Variants in UBE2K observed in about 807,000 individuals in gnomAD.
The protein encoded by UBE2K is ubiquitin-conjugating enzyme E2 K.
A neutral mutation model predicts 30.0 loss-of-function variants in UBE2K; 6 were observed. That is an observed-to-expected ratio of 0.20 (90% CI 0.11 to 0.39). The LOEUF (loss-of-function observed/expected upper bound fraction) is 0.39, where lower values mean the gene tolerates loss of function less well. UBE2K is among the 10% of genes least tolerant of loss of function. The pLI, the probability that UBE2K is intolerant of heterozygous loss-of-function variation, is 1.00. For synonymous variants in UBE2K, 86 were observed against 83.7 expected (o/e 1.03, Z -0.15); for missense variants, 61 against 241.6 (o/e 0.25, Z 4.96).
At chr4:39,772,175 T>C (rs1712929965) in intron 4 of UBE2K, among the ~76,000 whole-genome samples, 1 of 152,158 alleles carries the variant, frequency 6.6e-6, no homozygotes, top group Non-Finnish European at 1.5e-5. Context: ...GGAAGTACTA[T>C]TTATGTACCA....
At chr4:39,706,412 C>T (rs1718367797) in intron 1 of UBE2K, among the ~76,000 whole-genome samples, 1 of 151,494 alleles carries the variant, frequency 6.6e-6, no homozygotes, top group Non-Finnish European at 1.5e-5. Context: ...GATCTGCCTG[C>T]CTGGGCCTCC....
intron 5 of UBE2K, among the ~76,000 whole-genome samples, chr4:39,775,850 T>TA (rs1713254250): frequency 6.6e-6 from 1 of 152,142 alleles, no homozygotes; most frequent in South Asian, 2.1e-4. Context: ...ACTTCTAAGA[T>TA]ATTACCCTCT....
intron 4 of UBE2K, chr4:39,770,748 C>A: frequency 6.3e-7 from 1 of 1,583,356 alleles, no homozygotes; most frequent in Non-Finnish European, 8.6e-7. Flanking sequence ...AATGCCCAGG[C>A]CCCCTCCCAG....
chr4:39,774,683 T>TAA (rs1387333930), intron 4 of UBE2K, 151 bp from the exon 5 acceptor site: 1 of 410,902 alleles, frequency 2.4e-6, no homozygotes, highest in East Asian at 3.6e-5. Flanking sequence ...GGCAGATACA[T>TAA]AATTATAAAT....
chr4:39,761,140 C>G (rs1416971088), intron 4 of UBE2K: 1 of 152,122 alleles, frequency 6.6e-6, no homozygotes, highest in African/African-American at 2.4e-5. Context: ...GTATGGTGAC[C>G]TCTTAGGAAC....
chr4:39,764,908 CAA>C (rs56313201), intron 4 of UBE2K, among the ~76,000 whole-genome samples: 23,758 of 147,406 alleles, frequency 0.16, 3,495 homozygotes, highest in African/African-American at 0.4. Flanking sequence ...TTTTTCGAGA[CAA>C]GAGTCTCACT....
intron 4 of UBE2K, among the ~76,000 whole-genome samples, chr4:39,773,422 C>T (rs374173699): frequency 2.0e-5 from 3 of 151,908 alleles, no homozygotes; most frequent in Middle Eastern, 3.4e-3. Context: ...GAGCCGAGAT[C>T]GCGCCACTGC....
rs1262249892 is a variant in UBE2K at position 39,722,671 on chromosome 4, C to A, written c.64-14749C>A. Reference sequence around the variant, plus strand: ...AGAAACCTGAGTACCCGGAGAAAACCCACAAAGACGTGGGGAGAACATGGC... The same window carrying A: ...AGAAACCTGAGTACCCGGAGAAAACACACAAAGACGTGGGGAGAACATGGC... On this transcript the variant is annotated intron_variant, in intron 1 of 6. Transcript: ENST00000261427. Among the ~76,000 whole-genome samples, 4 of 150,506 alleles carry A rather than the reference C, an allele frequency of 2.7e-5. No homozygotes were observed. In the East Asian group the frequency reaches 8.0e-4, roughly 30 times the overall value.
At position 39,700,354 on chromosome 4, in the gene UBE2K, CAG is replaced by C. The variant is rs1169114833; in HGVS notation, c.63+1966_63+1967del. Among the ~76,000 whole-genome samples, 4 of 152,060 alleles carry C rather than the reference CAG, an allele frequency of 2.6e-5. No homozygotes were observed. The East Asian group carries it at 7.7e-4, about 29-fold the overall frequency. On this transcript the variant is annotated intron_variant, in intron 1 of 6. Transcript: ENST00000261427. ...AGAAGAAGAAAACAGGAAATGCAAA[CAG>C]ACAGGTTTTTTGTTGTTTTTGTTGT...
In UBE2K at chr4:39,713,286, A is replaced by ATTTTTTTT. The variant is rs56104487; in HGVS notation, c.63+14905_63+14912dup. ...TAGTTTTCTCCTTCTTCTGTAGGAAATTTTTTTTTTTTTTTTGAGACAGTT... is the reference window on the plus strand; with the variant it reads ...TAGTTTTCTCCTTCTTCTGTAGGAAATTTTTTTTTTTTTTTTTTTTTTTTGAGACAGTT... On this transcript the variant is annotated intron_variant, in intron 1 of 6. Transcript: ENST00000261427. Among the ~76,000 whole-genome samples the ATTTTTTTT allele has an allele frequency of 2.6e-4, 22 of 83,566 alleles. 3 individuals are homozygous for ATTTTTTTT. The highest frequency in any genetic ancestry group is 5.4e-4 in the African/African-American group (10 of 18,574). 54.8% of individuals were successfully genotyped at this position (83,566 alleles called of 152,430 possible).
chr4:39,703,211 G>A (rs569334815), intron 1 of UBE2K, among the ~76,000 whole-genome samples: 1 of 152,152 alleles, frequency 6.6e-6, no homozygotes, highest in Non-Finnish European at 1.5e-5. Flanking sequence ...AGGCTGGCCT[G>A]ACAAAACTCT....
In UBE2K at chr4:39,698,317, C is replaced by T. The variant is rs1389038500; in HGVS notation, c.-11C>T. ...GGAGGAGGCGGGTACGAATCAGCTGCGGGCGGAGACATGGCCAACATCGCG... is the reference window on the plus strand; with the variant it reads ...GGAGGAGGCGGGTACGAATCAGCTGTGGGCGGAGACATGGCCAACATCGCG... On this transcript the variant is annotated 5_prime_UTR_variant, in exon 1 of 7. Transcript: ENST00000261427. 6.2e-7 allele frequency: 1 copy of T among 1,610,288 alleles called. No homozygotes were observed. Among genetic ancestry groups the T allele is most frequent in the Non-Finnish European group, 8.5e-7 (1 of 1,178,568 alleles).
chr4:39,771,512 G>A, intron 4 of UBE2K: 1 of 1,428,672 alleles, frequency 7.0e-7, no homozygotes, highest in Non-Finnish European at 9.2e-7. Context: ...CCACCCCCGC[G>A]GGGCCGGAAG....
intron 4 of UBE2K, among the ~76,000 whole-genome samples, chr4:39,756,921 G>T (rs1721543785): frequency 1.3e-5 from 2 of 151,752 alleles, no homozygotes; most frequent in South Asian, 4.2e-4. Flanking sequence ...TGTTTAATGG[G>T]CCCAGCCTGG....
chr4:39,751,666 C>A (rs566960356), intron 3 of UBE2K, among the ~76,000 whole-genome samples: 10 of 152,042 alleles, frequency 6.6e-5, no homozygotes, highest in Non-Finnish European at 1.0e-4. Context: ...CAGAGTAAGA[C>A]CCTGTCTCAA....
chr4:39,777,262 G>A (rs1713333173), intron 5 of UBE2K, among the ~76,000 whole-genome samples: 1 of 152,120 alleles, frequency 6.6e-6, no homozygotes. Flanking sequence ...ATTCTAGCCT[G>A]GGCTGTGGGT....
chr4:39,758,610 G>A lies in UBE2K; in HGVS notation c.299+2871G>A, dbSNP rs1014141436. ...GGAGAATCGCTTGAACCTGGGAGGC[G>A]GAAGTTGCAGTTAGCAGAGATCATG... On this transcript the variant is annotated intron_variant, in intron 4 of 6. Coordinates refer to ENST00000261427, the MANE Select transcript of UBE2K (RefSeq NM_005339.5). 1.2e-4 allele frequency among the ~76,000 whole-genome samples: 19 copies of A among 152,016 alleles called. No individual in the cohort carries two copies. The East Asian group carries it at 2.1e-3, about 17-fold the overall frequency.
chr4:39,778,269 G>A, intron 6 of UBE2K, 91 bp from the exon 7 acceptor site: 1 of 723,096 alleles, frequency 1.4e-6, no homozygotes, highest in Non-Finnish European at 2.2e-6. Flanking sequence ...AAGAAACAAG[G>A]TGTTAATTCC....
rs763153644 is a variant in UBE2K, at chr4:39,737,425, C to T, written c.69C>T (p.Ser23=). The part of the protein sequence containing the change: ...FKEVLKSEET[S]KNQIKVDLVD... ...ATTTTCTGTTTATTTTTAAGACGAG[C>T]AAAAATCAAATTAAAGTAGATCTTG... is the stretch of plus-strand genomic sequence containing the variant. The change falls in exon 2 of 7, where the codon AGC becomes AGT. Residue 23 remains serine (S), a synonymous_variant. Coordinates refer to ENST00000261427, the MANE Select transcript of UBE2K (RefSeq NM_005339.5). The T allele has an allele frequency of 1.9e-6, 3 of 1,541,334 alleles. No homozygotes were observed. The highest frequency in any genetic ancestry group is 4.8e-5 in the East Asian group (2 of 41,378).
Sources: gnomAD v4.1 joint callset for allele counts (sites outside exome capture counted in the v4.1 genomes callset) on GRCh38, gnomAD v4.1.1 for gene constraint, MANE v1.5 for transcripts, NCBI Gene and HGNC (gene_info 2026-07-23, HGNC 2026-07-21) for gene names.